The following ZNF69 variants were observed in gnomAD, a reference collection of about 807,000 sequenced individuals.
ZNF69 encodes the protein zinc finger protein 69.
A neutral mutation model predicts 50.9 loss-of-function variants in ZNF69; 47 were observed. The observed-to-expected ratio is 0.92, with a 90% CI of 0.73 to 1.18. The LOEUF (loss-of-function observed/expected upper bound fraction) is 1.18. ZNF69 is among the 50% of genes most tolerant of loss of function. ZNF69 has a pLI of 0.00. For missense variants in ZNF69, 717 were observed against 675.1 expected, an observed-to-expected ratio of 1.06 and a Z score of -0.69; for synonymous variants, 216 against 223.1, an observed-to-expected ratio of 0.97 and a Z score of 0.29.
At chr19:11,958,798 G>C in the ZNF69 span, among the ~76,000 whole-genome samples, 4 of 152,156 alleles carry the variant, frequency 2.6e-5, no homozygotes, top group Non-Finnish European at 5.9e-5. Context: ...AGCTGCCTCC[G>C]TTTTGTTTCT....
intron 4 of ZNF69, among the ~76,000 whole-genome samples, chr19:11,912,132 A>G (rs2145253935): frequency 6.6e-6 from 1 of 152,330 alleles, no homozygotes; most frequent in South Asian, 2.1e-4. Context: ...GCAATGTGGG[A>G]AAGCCTTCAG....
At chr19:11,948,310 G>A in the ZNF69 span, 1 of 1,613,524 alleles carries the variant, frequency 6.2e-7, no homozygotes, top group Non-Finnish European at 8.5e-7. Flanking sequence ...TGAAATTAAA[G>A]AAGACAGTCA....
chr19:11,967,468 G>C, the ZNF69 span, among the ~76,000 whole-genome samples: 1 of 152,056 alleles, frequency 6.6e-6, no homozygotes, highest in African/African-American at 2.4e-5. Flanking sequence ...GCAGTGGCGC[G>C]ATCTCGGCTC....
the ZNF69 span, among the ~76,000 whole-genome samples, chr19:11,971,101 GC>G: frequency 6.6e-6 from 1 of 152,110 alleles, no homozygotes; most frequent in African/African-American, 2.4e-5. Context: ...GTCATCTTGG[GC>G]TGCTACATCA....
chr19:11,949,971 A>G, the ZNF69 span: 7,064 of 1,613,338 alleles, frequency 4.4e-3, 232 homozygotes, highest in African/African-American at 0.074. Context: ...AACCCTATGA[A>G]TGTAAGGAAT....
the ZNF69 span, among the ~76,000 whole-genome samples, chr19:11,938,352 T>G: frequency 3.0e-4 from 46 of 152,286 alleles, no homozygotes; most frequent in African/African-American, 1.1e-3. Context: ...GTTATTTACA[T>G]TAGGTATATC....
At chr19:11,916,887 A>T (rs1051354485), downstream of ZNF69, among the ~76,000 whole-genome samples, 2 of 152,118 alleles carry the variant, frequency 1.3e-5, no homozygotes, top group African/African-American at 4.8e-5. Flanking sequence ...AGCCATTTTC[A>T]GGATTGCCCA....
chr19:11,888,161 G>T (rs1386865958), intron 1 of ZNF69, among the ~76,000 whole-genome samples, 175 bp downstream of exon 1: 3 of 152,240 alleles, frequency 2.0e-5, no homozygotes, highest in African/African-American at 7.2e-5. Flanking sequence ...TGGGCCGGTA[G>T]CCGGGACACC....
At chr19:11,910,603 A>G (rs1029959952), downstream of ZNF69, among the ~76,000 whole-genome samples, 20 of 152,230 alleles carry the variant, frequency 1.3e-4, no homozygotes, top group Middle Eastern at 3.2e-3. Context: ...GGTGCTGGGA[A>G]AACTGGCTAG....
the ZNF69 span, among the ~76,000 whole-genome samples, chr19:11,959,091 T>A: frequency 6.6e-6 from 1 of 152,126 alleles, no homozygotes. Context: ...TTCACCATGT[T>A]GACCAGGCTG....
At chr19:11,974,110 TTTCTTTCTTTCTTTC>T in the ZNF69 span, among the ~76,000 whole-genome samples, 1 of 100,966 alleles carries the variant, frequency 9.9e-6, no homozygotes, top group Non-Finnish European at 2.0e-5. Context: ...TCTTTCTTTC[TTTCTTTCTTTCTTTC>T]TTTTCTTTCT....
the ZNF69 span, chr19:11,950,458 G>A: frequency 2.8e-6 from 2 of 703,250 alleles, no homozygotes; most frequent in African/African-American, 1.8e-5. Context: ...GACTCACACG[G>A]GAGAGAAACC....
the ZNF69 span, among the ~76,000 whole-genome samples, chr19:11,927,601 T>C: frequency 6.6e-6 from 1 of 152,200 alleles, no homozygotes; most frequent in African/African-American, 2.4e-5. Context: ...CCTGTGCCTA[T>C]GTGCATGTGG....
At chr19:11,916,386 A>ATG (rs1972522163), downstream of ZNF69, among the ~76,000 whole-genome samples, 3 of 152,146 alleles carry the variant, frequency 2.0e-5, no homozygotes, top group African/African-American at 7.2e-5. Context: ...AGGCTGAGGC[A>ATG]GGCAGATCAC....
At chr19:11,916,789 A>G (rs116408087), downstream of ZNF69, among the ~76,000 whole-genome samples, 284 of 149,974 alleles carry the variant, frequency 1.9e-3, 8 homozygotes, top group African/African-American at 5.6e-3. Context: ...TAACAAACGT[A>G]GCACCATCTA....
chr19:11,978,058 C>G, the ZNF69 span: 2 of 1,573,462 alleles, frequency 1.3e-6, no homozygotes, highest in Admixed American at 2.1e-5. Context: ...AAGTGCAATA[C>G]TTGATTAATA....
At chr19:11,979,456 T>TTA in the ZNF69 span, 2 of 1,605,220 alleles carry the variant, frequency 1.2e-6, no homozygotes, top group South Asian at 2.2e-5. Flanking sequence ...GAGAAAGACC[T>TTA]TATAAATGTA....
the ZNF69 span, chr19:11,965,187 C>T: frequency 1.9e-6 from 3 of 1,614,070 alleles, no homozygotes; most frequent in South Asian, 3.3e-5. Context: ...GAGAGGACCC[C>T]AGGACATCTG....
At chr19:11,899,231 C>T (rs1972192308) in intron 1 of ZNF69, among the ~76,000 whole-genome samples, 1 of 152,174 alleles carries the variant, frequency 6.6e-6, no homozygotes, top group South Asian at 2.1e-4. Flanking sequence ...AGACTTGCTT[C>T]TTTCATGTAA....
Sources: allele counts gnomAD v4.1 joint callset (sites outside exome capture counted in the v4.1 genomes callset), GRCh38; gene constraint gnomAD v4.1.1; transcripts MANE v1.5; gene names NCBI Gene and HGNC (gene_info 2026-07-23, HGNC 2026-07-21).